The following SPEG variants were observed in gnomAD, a reference collection of about 807,000 sequenced individuals.
SPEG encodes striated muscle preferentially expressed protein kinase.
In SPEG, 114 loss-of-function variants were observed where a neutral mutation model predicts 300.4. The ratio of observed to expected loss-of-function variants is 0.38; its 90% CI spans 0.33 to 0.44. SPEG has a LOEUF of 0.44. Among genes scored for constraint, SPEG ranks in the 20% least tolerant of loss-of-function variants. The pLI, the probability that SPEG is intolerant of heterozygous loss-of-function variation, is 1.00. For missense variants in SPEG, 4,201 were observed against 4,586.2 expected (o/e 0.92, Z 2.43); for synonymous variants, 1,964 against 2,018.9 (o/e 0.97, Z 0.73).
In SPEG at chr2:219,493,260, C is replaced by G. The variant is rs2125613207; in HGVS notation, c.*474C>G. 2.8e-6 allele frequency: 1 copy of G among 359,864 alleles called. No homozygotes were observed. Among genetic ancestry groups the G allele is most frequent in the Admixed American group, 3.7e-5 (1 of 26,676 alleles). The allele number at this position is 359,864 out of a possible 1,614,324, so 22.3% of individuals were successfully genotyped here. Reference sequence around the variant, plus strand: ...GGACACAGATACAGTGGCAGGGGCCCAGGGCTGGGACATGAGAGAAGGCAG... The same window carrying G: ...GGACACAGATACAGTGGCAGGGGCCGAGGGCTGGGACATGAGAGAAGGCAG... On this transcript the variant is annotated 3_prime_UTR_variant, in exon 41 of 41. Coordinates refer to ENST00000312358, the MANE Select transcript of SPEG (RefSeq NM_005876.5).
chr2:219,488,846 A>T lies in SPEG; in HGVS notation c.8095A>T (p.Lys2699Ter). The T allele has an allele frequency of 6.3e-7, 1 of 1,589,922 alleles. No homozygotes were observed. The highest frequency in any genetic ancestry group is 2.3e-5 in the East Asian group (1 of 44,028). Residue 2699 changes from lysine (K) to a stop codon, truncating the protein, a stop_gained, in exon 34 of 41, where the codon AAG (lysine) becomes TAG (stop). Coordinates refer to ENST00000312358, the MANE Select transcript of SPEG (RefSeq NM_005876.5). LOFTEE classifies it high-confidence loss of function. Reference protein sequence around the residue: ...TYQDTALVLWKPGDSRAPCTY... With the variant: ...TYQDTALVLW ...CCAGGACACGGCGCTGGTGCTGTGG[A>T]AGCCGGGAGACAGCCGGGCACCTTG...
At chr2:219,447,861 A>T in intron 3 of SPEG, 113 bp from the exon 4 acceptor site, 1 of 970,464 alleles carries the variant, frequency 1.0e-6, no homozygotes, top group Non-Finnish European at 1.5e-6. Flanking sequence ...GATCTGGCCC[A>T]TGTCACCCCC....
chr2:219,469,363 C>T lies in SPEG; in HGVS notation c.3699C>T (p.Asp1233=). The change falls in exon 13 of 41, where the codon GAC becomes GAT. Residue 1233 remains aspartate (D), a synonymous_variant. Transcript: ENST00000312358. ...HNGHRIQSSD[D]RRMTQYRDVH... Reference sequence around the variant, plus strand: ...GCCACCGCATCCAGAGCAGCGACGACCGGCGCATGACACAGTGTACGTGTC... The same window carrying T: ...GCCACCGCATCCAGAGCAGCGACGATCGGCGCATGACACAGTGTACGTGTC... The T allele has an allele frequency of 6.2e-7, 1 of 1,613,570 alleles. No individual in the cohort carries two copies. The highest frequency in any genetic ancestry group is 1.1e-5 in the South Asian group (1 of 91,050).
rs370142276 is a variant in SPEG at position 219,484,122 on chromosome 2, C to T, written c.6659C>T (p.Pro2220Leu). 1 of 1,613,512 alleles carries T rather than the reference C, an allele frequency of 6.2e-7. No homozygotes were observed. The highest frequency in any genetic ancestry group is 1.3e-5 in the African/African-American group (1 of 75,040). The change falls in exon 30 of 41, where the codon CCA becomes CTA. Residue 2220 changes from proline to leucine, a missense_variant. By Grantham distance (98) the Pro-to-Leu change is moderately conservative. Coordinates refer to ENST00000312358, the MANE Select transcript of SPEG (RefSeq NM_005876.5). ...CAAGACAAGGCTCCAGAGCCCAGGCCAGAACCAGTCCGAGCCTCCAAGCCT... is the reference window on the plus strand; with the variant it reads ...CAAGACAAGGCTCCAGAGCCCAGGCTAGAACCAGTCCGAGCCTCCAAGCCT... Reference protein sequence around the residue: ...PAQDKAPEPRPEPVRASKPAP... With the variant: ...PAQDKAPEPRLEPVRASKPAP...
Position 219,471,674 on chromosome 2 carries a change from C to T in SPEG, c.3716-194C>T, listed in dbSNP as rs1372611320. 29 of 641,840 alleles carry T rather than the reference C, an allele frequency of 4.5e-5. No homozygotes were observed. In the South Asian group the frequency reaches 5.4e-4, roughly 12 times the overall value. 39.8% of individuals were successfully genotyped at this position (641,840 alleles called of 1,614,324 possible). A position where few individuals can be genotyped will look rare whatever the true frequency, so the allele number is the denominator to read the frequency against. On this transcript the variant is annotated intron_variant, in intron 13 of 40. Coordinates refer to ENST00000312358, the MANE Select transcript of SPEG (RefSeq NM_005876.5). ...GGGCAGATGTAGACTTGGAAGCCAG[C>T]CCGGGCCCAGACCCAGACTTTGCTG...
At position 219,462,613 on chromosome 2, in the gene SPEG, T is replaced by G. The variant is rs116059094; in HGVS notation, c.2705+227T>G. ...CTTCTGGGGAGGGGTTTGGGTCTCATGTCTGTCCATTTGGGATAAATGACT... is the reference window on the plus strand; with the variant it reads ...CTTCTGGGGAGGGGTTTGGGTCTCAGGTCTGTCCATTTGGGATAAATGACT... On this transcript the variant is annotated intron_variant, in intron 8 of 40. Transcript: ENST00000312358. 7.4e-3 allele frequency among the ~76,000 whole-genome samples: 1,120 copies of G among 152,368 alleles called. 15 individuals carry two copies. Among genetic ancestry groups the G allele is most frequent in the African/African-American group, 0.024 (1,019 of 41,594 alleles).
chr2:219,474,188 G>A (rs747925213), intron 18 of SPEG: 9 of 291,410 alleles, frequency 3.1e-5, no homozygotes, highest in African/African-American at 6.4e-5. Flanking sequence ...GACCAGCCTC[G>A]CCAACATGGT....
At chr2:219,482,700 C>G in intron 28 of SPEG, 84 bp from the exon 29 acceptor site, 1 of 1,233,128 alleles carries the variant, frequency 8.1e-7, no homozygotes, top group East Asian at 2.4e-5. Flanking sequence ...GCCACCCCGC[C>G]CCATGGACTT....
intron 1 of SPEG, among the ~76,000 whole-genome samples, chr2:219,442,561 C>T (rs1689001407): frequency 6.6e-6 from 1 of 151,890 alleles, no homozygotes; most frequent in Admixed American, 6.6e-5. Context: ...GTCCTCCGCG[C>T]ACCTGGGCCT....
chr2:219,480,262 A>G lies in SPEG; in HGVS notation c.5342+122A>G, dbSNP rs1448394638. The G allele has an allele frequency of 4.6e-6, 5 of 1,098,300 alleles. No individual in the cohort carries two copies. The highest frequency in any genetic ancestry group is 5.2e-6 in the Non-Finnish European group (4 of 762,608). 68.0% of individuals were successfully genotyped at this position (1,098,300 alleles called of 1,614,324 possible). ...TTCCTCCTGAAGGTGGGCTGGAGGC[A>G]TTGTTTGCAGGGTCTCCTGCCCATG... On this transcript the variant is annotated intron_variant, in intron 25 of 40. Coordinates refer to ENST00000312358, the MANE Select transcript of SPEG (RefSeq NM_005876.5). This position sits in a 1 kb window ranked among gnomAD's most constrained non-coding sequence, Gnocchi z 5.3.
In SPEG at chr2:219,443,570, G is replaced by A. The variant is rs1003811448; in HGVS notation, c.389-1083G>A. The A allele has an allele frequency of 3.2e-5, 9 of 284,968 alleles. No homozygotes were observed. The highest frequency in any genetic ancestry group is 9.3e-5 in the Admixed American group (2 of 21,420). The allele number at this position is 284,968 out of a possible 1,614,324, so 17.7% of individuals were successfully genotyped here. ...CTAACCACTGGGCATTTTTGAGGAC[G>A]ATTCAACAGTAGAAGGGAGGGACCT... is the stretch of plus-strand genomic sequence containing the variant. On this transcript the variant is annotated intron_variant, in intron 1 of 40. Transcript: ENST00000312358. This position sits in a 1 kb window ranked among gnomAD's most constrained non-coding sequence, Gnocchi z 4.6.
rs557038705 is a variant in SPEG at position 219,488,196 on chromosome 2, T to G, written c.7744T>G (p.Phe2582Val). 1.1e-5 allele frequency: 17 copies of G among 1,610,262 alleles called. No homozygotes were observed. The highest frequency in any genetic ancestry group is 1.4e-5 in the Non-Finnish European group (17 of 1,177,402). ...GGCTGTCTCTGCTTTTCCTCCAGAC[T>G]TCCCCCCAGTCTTCCACATCAAACT... ...GHQYVRSESD[F>V]PPVFHIKLKD... The change falls in exon 32 of 41, where the codon TTC (phenylalanine) becomes GTC (valine). Residue 2582 changes from phenylalanine to valine, a missense_variant and splice_region_variant. Phe to Val is a conservative substitution (Grantham distance 50). Coordinates refer to ENST00000312358, the MANE Select transcript of SPEG (RefSeq NM_005876.5).
At chr2:219,487,183 C>G (rs1323794334) in intron 31 of SPEG, among the ~76,000 whole-genome samples, 2 of 152,082 alleles carry the variant, frequency 1.3e-5, no homozygotes, top group Admixed American at 6.5e-5. Flanking sequence ...ATCATGCACT[C>G]AAATCCTCAG....
rs565990660 is a variant in SPEG at position 219,492,721 on chromosome 2, C to T, written c.9739C>T (p.Arg3247Trp). 38 of 1,599,752 alleles carry T rather than the reference C, an allele frequency of 2.4e-5. No individual in the cohort carries two copies. Among genetic ancestry groups the T allele is most frequent in the African/African-American group, 1.6e-4 (12 of 74,984 alleles). Residue 3247 changes from arginine (R) to tryptophan (W), a missense_variant, in exon 41 of 41, where the codon CGG becomes TGG. Arg to Trp is a moderately radical substitution (Grantham distance 101). Coordinates refer to ENST00000312358, the MANE Select transcript of SPEG (RefSeq NM_005876.5). ...RLKEFLGEQR[R>W]RRAEAATRHK... is the part of the protein sequence containing the mutation. Reference sequence around the variant, plus strand: ...CAAGGAGTTCCTGGGCGAGCAGCGGCGGCGCCGGGCTGAGGCTGCCACCCG... The same window carrying T: ...CAAGGAGTTCCTGGGCGAGCAGCGGTGGCGCCGGGCTGAGGCTGCCACCCG...
In SPEG at chr2:219,490,544, C is replaced by T. The variant is rs200656875; in HGVS notation, c.9057C>T (p.His3019=). The T allele has an allele frequency of 2.2e-4, 349 of 1,613,652 alleles. No homozygotes were observed. Among genetic ancestry groups the T allele is most frequent in the African/African-American group, 8.5e-4 (64 of 75,052 alleles). The stretch of plus-strand genomic sequence containing the variant: ...ACGAGGTGCTGCGGACCCTGCACCA[C>T]GAGCGGATCATGTCCCTGCACGAGG... ...QEYEVLRTLH[H]ERIMSLHEAY... Residue 3019 remains histidine, a synonymous_variant, in exon 37 of 41, where the codon CAC becomes CAT. Coordinates refer to ENST00000312358, the MANE Select transcript of SPEG (RefSeq NM_005876.5).
At position 219,484,854 on chromosome 2, in the gene SPEG, T is replaced by C. The variant is rs1413752723; in HGVS notation, c.7391T>C (p.Leu2464Pro). 6.6e-7 allele frequency: 1 copy of C among 1,520,270 alleles called. No individual in the cohort carries two copies. Among genetic ancestry groups the C allele is most frequent in the Admixed American group, 2.0e-5 (1 of 50,028 alleles). The allele number at this position is 1,520,270 out of a possible 1,614,324, so 94.2% of individuals were successfully genotyped here. A position where few individuals can be genotyped will look rare whatever the true frequency, so the allele number is the denominator to read the frequency against. The part of the protein sequence containing the change: ...RRRLSFTLER[L>P]SSRLQRSGSS... The stretch of plus-strand genomic sequence containing the variant: ...CGGCTGAGCTTCACCCTGGAGCGGC[T>C]GTCCAGCCGATTGCAGCGCAGTGGC... The change falls in exon 30 of 41, where the codon CTG becomes CCG. Residue 2464 changes from leucine to proline, a missense_variant. Physicochemically the swap from Leu to Pro is moderately conservative, Grantham distance 98. Coordinates refer to ENST00000312358, the MANE Select transcript of SPEG (RefSeq NM_005876.5).
chr2:219,466,079 C>G (rs771316084), intron 9 of SPEG: 7 of 1,601,318 alleles, frequency 4.4e-6, no homozygotes, highest in Non-Finnish European at 5.9e-6. Context: ...AGGGGGCCAC[C>G]TGTGCTCCCC....
At chr2:219,452,323 T>C (rs1689827385) in intron 6 of SPEG, among the ~76,000 whole-genome samples, 1 of 152,198 alleles carries the variant, frequency 6.6e-6, no homozygotes, top group Admixed American at 6.5e-5. Context: ...CCAAGAGCAC[T>C]TCTTGGGCTG....
At position 219,467,409 on chromosome 2, in the gene SPEG, C is replaced by T; in HGVS notation, c.3117C>T (p.Tyr1039=). ...TSVHEDDSGV[Y]TCKLSTAKDE... is the part of the protein sequence containing the mutation. Reference sequence around the variant, plus strand: ...TACATGAGGACGACAGTGGCGTCTACACCTGCAAGCTCAGCACGGCCAAAG... The same window carrying T: ...TACATGAGGACGACAGTGGCGTCTATACCTGCAAGCTCAGCACGGCCAAAG... Residue 1039 remains tyrosine, a synonymous_variant, in exon 10 of 41, where the codon TAC becomes TAT. Coordinates refer to ENST00000312358, the MANE Select transcript of SPEG (RefSeq NM_005876.5). The T allele has an allele frequency of 6.2e-7, 1 of 1,608,972 alleles. No homozygotes were observed. The highest frequency in any genetic ancestry group is 8.5e-7 in the Non-Finnish European group (1 of 1,177,550).
Sources: allele counts gnomAD v4.1 joint callset (sites outside exome capture counted in the v4.1 genomes callset), GRCh38; gene constraint gnomAD v4.1.1; non-coding constraint Gnocchi (gnomAD v3.1); transcripts MANE v1.5; gene names NCBI Gene and HGNC (gene_info 2026-07-23, HGNC 2026-07-21).